The following TMEM191B variants were observed in gnomAD, a reference collection of about 807,000 sequenced individuals.
TMEM191B encodes transmembrane protein 191B.
A neutral mutation model predicts 26.6 loss-of-function variants in TMEM191B; 8 were observed. That is an observed-to-expected ratio of 0.30 (90% CI 0.18 to 0.54). The LOEUF is 0.54. Ranked by LOEUF, TMEM191B falls within the 20% of genes least tolerant of loss-of-function variation. The probability of loss-of-function intolerance (pLI) is 0.94; values close to 1 mark genes in which losing one functional copy is unlikely to be tolerated. For missense variants in TMEM191B, 64 were observed against 241.2 expected (o/e 0.27, Z 4.87); for synonymous variants, 29 against 113.7 (o/e 0.26, Z 4.74).
rs2123843873 is a variant in TMEM191B, at chr22:18,530,248, CCCGCAGGCGGTGCGTGCTGGGCGCG to C, written c.837-5_856del. 3.7e-6 allele frequency: 2 copies of C among 540,222 alleles called. No homozygotes were observed. Among genetic ancestry groups the C allele is most frequent in the Non-Finnish European group, 4.9e-6 (2 of 407,382 alleles). 33.5% of individuals were successfully genotyped at this position (540,222 alleles called of 1,614,324 possible). ...GGTCCCCCACCTGCCCGCCTTTCGC[CCCGCAGGCGGTGCGTGCTGGGCGCG>C]CTGCAGGTGCTGCTGACGCTGCCGC... On this transcript the variant is annotated splice_acceptor_variant and splice_polypyrimidine_tract_variant and coding_sequence_variant and intron_variant, in exon 9 of 9. Coordinates refer to ENST00000612978, the MANE Select transcript of TMEM191B (RefSeq NM_001242313.1). LOFTEE classifies it high-confidence loss of function.
chr22:18,529,215 G>A, intron 4 of TMEM191B, 122 bp downstream of exon 4: 1 of 1,077,546 alleles, frequency 9.3e-7, no homozygotes, highest in Non-Finnish European at 1.3e-6. Context: ...GGGGGATGTG[G>A]GCGGAGCACA....
rs1414412113 is a variant in TMEM191B, at chr22:18,528,806, C to G, written c.421-11C>G. The G allele has an allele frequency of 7.9e-5, 70 of 884,056 alleles. 3 individuals carry two copies. Among genetic ancestry groups the G allele is most frequent in the Non-Finnish European group, 1.1e-4 (68 of 607,580 alleles). The allele number at this position is 884,056 out of a possible 1,614,324, so 54.8% of individuals were successfully genotyped here. On this transcript the variant is annotated splice_polypyrimidine_tract_variant and intron_variant, in intron 2 of 8. Coordinates refer to ENST00000612978, the MANE Select transcript of TMEM191B (RefSeq NM_001242313.1). The stretch of plus-strand genomic sequence containing the variant: ...GGAGAGGTCGGCACCGCCCCAGGAC[C>G]CCGTCCGCAGGAGCAGCACAGCAGG...
intron 2 of TMEM191B, 21 bp downstream of exon 2, chr22:18,528,703 G>A: frequency 7.9e-7 from 1 of 1,268,298 alleles, no homozygotes; most frequent in Non-Finnish European, 1.0e-6. Context: ...GTCCTAGAAT[G>A]GGGCTGGACC....
At chr22:18,528,777 C>A (rs1468588392) in intron 2 of TMEM191B, 40 bp from the exon 3 acceptor site, 2 of 816,092 alleles carry the variant, frequency 2.5e-6, no homozygotes, top group African/African-American at 4.9e-5. Flanking sequence ...GAGGTAGGAC[C>A]GGCGGAGAGG....
rs747224171 is a variant in TMEM191B, at chr22:18,528,587, C to T, written c.325C>T (p.Gln109Ter). The change falls in exon 2 of 9, where the codon CAG (glutamine) becomes TAG (stop). Residue 109 changes from glutamine (Q) to a stop codon, truncating the protein, a stop_gained. Coordinates refer to ENST00000612978, the MANE Select transcript of TMEM191B (RefSeq NM_001242313.1). LOFTEE classifies it high-confidence loss of function. ...GCTGCGGAGGCGAAGCCAGGCAGCG[C>T]AGCCTCTGCAAGGGGAGGCGCGCGA... is the stretch of plus-strand genomic sequence containing the variant. ...SLLRRRSQAA[Q>*]PLQGEAREAA... 6.3e-6 allele frequency: 9 copies of T among 1,426,360 alleles called. No individual in the cohort carries two copies. The highest frequency in any genetic ancestry group is 2.7e-5 in the East Asian group (1 of 36,970). The allele number at this position is 1,426,360 out of a possible 1,614,324, so 88.4% of individuals were successfully genotyped here. A position where few individuals can be genotyped will look rare whatever the true frequency, so the allele number is the denominator to read the frequency against.
At position 18,530,300 on chromosome 22, in the gene TMEM191B, C is replaced by T. The variant is rs1932852614; in HGVS notation, c.882C>T (p.Leu294=). ...GALQVLLTLP[L]LFLGLSLLWT... Reference sequence around the variant, plus strand: ...TGCAGGTGCTGCTGACGCTGCCGCTCCTCTTCCTGGGGCTGTCGCTGCTCT... The same window carrying T: ...TGCAGGTGCTGCTGACGCTGCCGCTTCTCTTCCTGGGGCTGTCGCTGCTCT... Residue 294 remains leucine (L), a synonymous_variant, in exon 9 of 9, where the codon CTC becomes CTT. Coordinates refer to ENST00000612978, the MANE Select transcript of TMEM191B (RefSeq NM_001242313.1). 8.2e-6 allele frequency: 5 copies of T among 610,618 alleles called. 1 individual carries two copies. The highest frequency in any genetic ancestry group is 8.8e-6 in the Non-Finnish European group (4 of 454,450). The allele number at this position is 610,618 out of a possible 1,614,324, so 37.8% of individuals were successfully genotyped here.
intron 4 of TMEM191B, 93 bp downstream of exon 4, chr22:18,529,186 C>G (rs1393773069): frequency 1.0e-6 from 1 of 987,104 alleles, no homozygotes; most frequent in African/African-American, 1.8e-5. Context: ...AAGGCAGGCC[C>G]TGAAGGCGTG....
rs1387791981 is a variant in TMEM191B at position 18,529,090 on chromosome 22, G to A, written c.543G>A (p.Leu181=). 4 of 885,584 alleles carry A rather than the reference G, an allele frequency of 4.5e-6. No individual in the cohort carries two copies. Among genetic ancestry groups the A allele is most frequent in the Non-Finnish European group, 6.4e-6 (4 of 627,774 alleles). 54.9% of individuals were successfully genotyped at this position (885,584 alleles called of 1,614,324 possible). A position where few individuals can be genotyped will look rare whatever the true frequency, so the allele number is the denominator to read the frequency against. ...AACTCGCAGCCCAATTGGTGACGCT[G>A]CAGGTGCTTGAGCGGGACCCTGAGG... The part of the protein sequence containing the change: ...EQQLAAQLVT[L]QNELELAETK... Residue 181 remains leucine (L), a synonymous_variant, in exon 4 of 9, where the codon CTG becomes CTA. Transcript: ENST00000612978.
At chr22:18,529,140 C>T (rs1932837309) in intron 4 of TMEM191B, 47 bp downstream of exon 4, 2 of 891,620 alleles carry the variant, frequency 2.2e-6, no homozygotes, top group Non-Finnish European at 3.3e-6. Context: ...GGAGCAGCAG[C>T]GTGAGCGGGG....
In TMEM191B at chr22:18,529,443, T is replaced by C; in HGVS notation, c.549T>C (p.Asn183=). 2 of 480,026 alleles carry C rather than the reference T, an allele frequency of 4.2e-6. No individual in the cohort carries two copies. Among genetic ancestry groups the C allele is most frequent in the Non-Finnish European group, 7.0e-6 (2 of 287,200 alleles). 29.7% of individuals were successfully genotyped at this position (480,026 alleles called of 1,614,324 possible). A position where few individuals can be genotyped will look rare whatever the true frequency, so the allele number is the denominator to read the frequency against. The change falls in exon 5 of 9, where the codon AAT becomes AAC. Residue 183 remains asparagine, a splice_region_variant and synonymous_variant. Transcript: ENST00000612978. ...ACATTCCCTGGGTCCTTCTCAAGAA[T>C]GAACTGGAGCTGGCGGAGACCAAAT... ...QLAAQLVTLQ[N]ELELAETKCA...
rs1233107699 is a variant in TMEM191B at position 18,528,170 on chromosome 22, G to C, written c.190G>C (p.Asp64His). 1 of 587,724 alleles carries C rather than the reference G, an allele frequency of 1.7e-6. No homozygotes were observed. Among genetic ancestry groups the C allele is most frequent in the Admixed American group, 4.9e-5 (1 of 20,286 alleles). 36.4% of individuals were successfully genotyped at this position (587,724 alleles called of 1,614,324 possible). ...GCTGCAGTTGCAGAAGGATAACCGA[G>C]ATGGTCGCCAGCGGAAGCAGGAGCT... ...LLLQLQKDNR[D>H]GRQRKQELEK... The change falls in exon 1 of 9, where the codon GAT (aspartate) becomes CAT (histidine). Residue 64 changes from aspartate to histidine, a missense_variant. This residue lies in a region of TMEM191B where 0 missense variants were observed against 27.7 expected (regional missense o/e 0.00). Transcript: ENST00000612978.
rs1189163912 is a variant in TMEM191B, at chr22:18,530,009, G to C, written c.795+1G>C. The C allele has an allele frequency of 1.4e-6, 2 of 1,478,632 alleles. No individual in the cohort carries two copies. The highest frequency in any genetic ancestry group is 1.8e-6 in the Non-Finnish European group (2 of 1,126,696). 91.6% of individuals were successfully genotyped at this position (1,478,632 alleles called of 1,614,324 possible). On this transcript the variant is annotated splice_donor_variant, in intron 7 of 8. Transcript: ENST00000612978. LOFTEE classifies it high-confidence loss of function. ...GGAGGAGATGGCCAGGGCGGACCGA[G>C]TGAGCGCCTGCGCGGGTCCGGGCGG...
At chr22:18,530,064 T>TC (rs1011455518) in intron 7 of TMEM191B, 56 bp downstream of exon 7, 187 of 1,386,068 alleles carry the variant, frequency 1.3e-4, no homozygotes, top group East Asian at 6.0e-4. Context: ...ACCCTCCCCG[T>TC]CCCCCCCGCG....
rs1266576127 is a variant in TMEM191B, at chr22:18,528,178, C to A, written c.198C>A (p.Arg66=). ...LQLQKDNRDG[R]QRKQELEKLM... is the part of the protein sequence containing the mutation. ...TGCAGAAGGATAACCGAGATGGTCGCCAGCGGAAGCAGGAGCTAGAGAAGC... is the reference window on the plus strand; with the variant it reads ...TGCAGAAGGATAACCGAGATGGTCGACAGCGGAAGCAGGAGCTAGAGAAGC... The change falls in exon 1 of 9, where the codon CGC becomes CGA. Residue 66 remains arginine (R), a synonymous_variant. Transcript: ENST00000612978. 1 of 617,500 alleles carries A rather than the reference C, an allele frequency of 1.6e-6. No individual in the cohort carries two copies. The highest frequency in any genetic ancestry group is 5.6e-5 in the East Asian group (1 of 17,816). The allele number at this position is 617,500 out of a possible 1,614,324, so 38.3% of individuals were successfully genotyped here.
At position 18,529,006 on chromosome 22, in the gene TMEM191B, G is replaced by A. The variant is rs1330320852; in HGVS notation, c.472-13G>A. The A allele has an allele frequency of 2.6e-5, 11 of 420,890 alleles. 3 individuals carry two copies. In the South Asian group the frequency reaches 3.0e-4, roughly 11 times the overall value. The allele number at this position is 420,890 out of a possible 1,614,324, so 26.1% of individuals were successfully genotyped here. On this transcript the variant is annotated splice_polypyrimidine_tract_variant and intron_variant, in intron 3 of 8. Transcript: ENST00000612978. ...AGCCCGGTAAACCCCGCCCTTACAA[G>A]CCCCGCCCCTAGCTCTTCTACGGAG...
In TMEM191B at chr22:18,530,317, C is replaced by G. The variant is rs1389469024; in HGVS notation, c.899C>G (p.Ser300Trp). 1 of 614,808 alleles carries G rather than the reference C, an allele frequency of 1.6e-6. No homozygotes were observed. Among genetic ancestry groups the G allele is most frequent in the African/African-American group, 3.0e-5 (1 of 32,956 alleles). The allele number at this position is 614,808 out of a possible 1,614,324, so 38.1% of individuals were successfully genotyped here. Residue 300 changes from serine (S) to tryptophan (W), a missense_variant, in exon 9 of 9, where the codon TCG (serine) becomes TGG (tryptophan). Coordinates refer to ENST00000612978, the MANE Select transcript of TMEM191B (RefSeq NM_001242313.1). ...LTLPLLFLGL[S>W]LLWTVLLDPG... Reference sequence around the variant, plus strand: ...CTGCCGCTCCTCTTCCTGGGGCTGTCGCTGCTCTGGACGGTGCTGTTGGAC... The same window carrying G: ...CTGCCGCTCCTCTTCCTGGGGCTGTGGCTGCTCTGGACGGTGCTGTTGGAC...
rs1366038842 is a variant in TMEM191B, at chr22:18,529,983, TGGA to T, written c.775_777del (p.Glu259del). ...GTGCAGTACAGCACCGAGTCGCTCATGGAGGAGATGGCCAGGGCGGACCGAGTG... is the reference window on the plus strand; with the variant it reads ...GTGCAGTACAGCACCGAGTCGCTCATGGAGATGGCCAGGGCGGACCGAGTG... On this transcript the variant is annotated inframe_deletion, in exon 7 of 9. Transcript: ENST00000612978. 164 of 1,479,646 alleles carry T rather than the reference TGGA, an allele frequency of 1.1e-4. No individual in the cohort carries two copies. The highest frequency in any genetic ancestry group is 4.7e-4 in the Middle Eastern group (2 of 4,284). 91.7% of individuals were successfully genotyped at this position (1,479,646 alleles called of 1,614,324 possible).
Position 18,530,027 on chromosome 22 carries a change from C to G in TMEM191B, c.795+19C>G. ...GGACCGAGTGAGCGCCTGCGCGGGTCCGGGCGGGGTGGGCTGGAGCGGGAC... is the reference window on the plus strand; with the variant it reads ...GGACCGAGTGAGCGCCTGCGCGGGTGCGGGCGGGGTGGGCTGGAGCGGGAC... On this transcript the variant is annotated intron_variant, in intron 7 of 8. Transcript: ENST00000612978. 1 of 1,470,206 alleles carries G rather than the reference C, an allele frequency of 6.8e-7. No homozygotes were observed. The highest frequency in any genetic ancestry group is 8.9e-7 in the Non-Finnish European group (1 of 1,122,448). 91.1% of individuals were successfully genotyped at this position (1,470,206 alleles called of 1,614,324 possible).
Position 18,528,126 on chromosome 22 carries a change from C to G in TMEM191B, c.146C>G (p.Ala49Gly). 1 of 508,688 alleles carries G rather than the reference C, an allele frequency of 2.0e-6. No individual in the cohort carries two copies. The highest frequency in any genetic ancestry group is 2.8e-6 in the Non-Finnish European group (1 of 351,432). The allele number at this position is 508,688 out of a possible 1,614,324, so 31.5% of individuals were successfully genotyped here. A position where few individuals can be genotyped will look rare whatever the true frequency, so the allele number is the denominator to read the frequency against. The change falls in exon 1 of 9, where the codon GCC becomes GGC. Residue 49 changes from alanine to glycine, a missense_variant. Around this residue, in one of 5 missense-constraint regions of TMEM191B, gnomAD observed 6 missense variants for 17.7 expected, o/e 0.34. Transcript: ENST00000612978. ...TTAGGCTCGGTCTCCACAGCCATGGCCGCGACGCAGGAGCTGCTGCTGCAG... is the reference window on the plus strand; with the variant it reads ...TTAGGCTCGGTCTCCACAGCCATGGGCGCGACGCAGGAGCTGCTGCTGCAG... Reference protein sequence around the residue: ...RHLGSVSTAMAATQELLLQLQ... With the variant: ...RHLGSVSTAMGATQELLLQLQ...
Sources: allele counts gnomAD v4.1 joint callset, GRCh38; gene constraint gnomAD v4.1.1; regional missense constraint gnomAD v4.1.1; transcripts MANE v1.5; gene names NCBI Gene and HGNC (gene_info 2026-07-23, HGNC 2026-07-21).